Variants in KCNH1 observed in about 807,000 individuals in gnomAD.
KCNH1 encodes voltage-gated delayed rectifier potassium channel KCNH1.
In KCNH1, 27 loss-of-function variants were observed where a neutral mutation model predicts 69.2. That is an observed-to-expected ratio of 0.39 (90% CI 0.29 to 0.54). The LOEUF is 0.54. Among genes scored for constraint, KCNH1 ranks in the 20% least tolerant of loss-of-function variants. The probability of loss-of-function intolerance (pLI) is 0.68; values close to 1 mark genes in which losing one functional copy is unlikely to be tolerated. For missense variants in KCNH1, 798 were observed against 1,261.6 expected, an observed-to-expected ratio of 0.63 and a Z score of 5.57; for synonymous variants, 456 against 487.7, an observed-to-expected ratio of 0.93 and a Z score of 0.86.
chr1:210,935,839 A>C (rs1365148584), intron 6 of KCNH1, among the ~76,000 whole-genome samples: 1 of 152,230 alleles, frequency 6.6e-6, no homozygotes, highest in East Asian at 1.9e-4. Context: ...AAATCTCAGT[A>C]AACTCTGTTG....
chr1:210,791,247 C>T (rs548508966), intron 9 of KCNH1, among the ~76,000 whole-genome samples: 68 of 152,324 alleles, frequency 4.5e-4, no homozygotes, highest in African/African-American at 1.6e-3. Context: ...CGTTCATCAT[C>T]TCACCCCATT....
chr1:210,856,068 C>T (rs1001937795), intron 7 of KCNH1, among the ~76,000 whole-genome samples: 3 of 152,154 alleles, frequency 2.0e-5, no homozygotes, highest in African/African-American at 7.2e-5. Context: ...AATGTTCCTC[C>T]TTAGAAAATC....
intron 7 of KCNH1, among the ~76,000 whole-genome samples, chr1:210,889,551 C>G (rs61802914): frequency 1.6e-4 from 24 of 152,260 alleles, no homozygotes; most frequent in Non-Finnish European, 2.5e-4. Context: ...GAAGTTTTTG[C>G]CAGGGCAATC....
intron 6 of KCNH1, among the ~76,000 whole-genome samples, chr1:210,996,364 G>A (rs887053763): frequency 4.6e-5 from 7 of 152,196 alleles, no homozygotes; most frequent in African/African-American, 1.7e-4. Flanking sequence ...AGGGTCCTAC[G>A]CCCATGGAGT....
chr1:210,813,176 T>G (rs1426656254), intron 7 of KCNH1, among the ~76,000 whole-genome samples: 1 of 152,184 alleles, frequency 6.6e-6, no homozygotes, highest in African/African-American at 2.4e-5. Context: ...TTGGACAGCA[T>G]GTCATGAAGA....
rs553438728 is a variant in KCNH1 at position 210,754,402 on chromosome 1, TAGG to T, written c.2112+20943_2112+20945del. 5.9e-5 allele frequency among the ~76,000 whole-genome samples: 9 copies of T among 152,246 alleles called. No individual in the cohort carries two copies. The East Asian group carries it at 1.7e-3, about 29-fold the overall frequency. On this transcript the variant is annotated intron_variant, in intron 10 of 10. Coordinates refer to ENST00000271751, the MANE Select transcript of KCNH1 (RefSeq NM_172362.3). The stretch of plus-strand genomic sequence containing the variant: ...TGCCACTCTTAGGACTAATCACTGA[TAGG>T]AGGAAATGCTGCTAACACATTGATA...
At chr1:210,977,975 T>C (rs1254972347) in intron 6 of KCNH1, among the ~76,000 whole-genome samples, 2 of 152,150 alleles carry the variant, frequency 1.3e-5, no homozygotes, top group African/African-American at 2.4e-5. Flanking sequence ...ACTTTTCAAC[T>C]TCAGAATTTG....
chr1:210,902,698 C>T (rs1429728897), intron 7 of KCNH1, among the ~76,000 whole-genome samples: 2 of 152,204 alleles, frequency 1.3e-5, no homozygotes, highest in Non-Finnish European at 2.9e-5. Flanking sequence ...TAAAGCGGCA[C>T]ACTCTGTCCC....
At chr1:210,897,691 T>C (rs1349284929) in intron 7 of KCNH1, among the ~76,000 whole-genome samples, 1 of 152,226 alleles carries the variant, frequency 6.6e-6, no homozygotes, top group Non-Finnish European at 1.5e-5. Flanking sequence ...TACCAGGCCT[T>C]GCATGCTCAC....
At chr1:211,114,614 G>T (rs908908202) in intron 1 of KCNH1, among the ~76,000 whole-genome samples, 1 of 152,142 alleles carries the variant, frequency 6.6e-6, no homozygotes, top group African/African-American at 2.4e-5. Context: ...CTTAGCCAAG[G>T]TTTCTTAATT....
At chr1:211,017,185 G>C (rs1689507686) in intron 6 of KCNH1, among the ~76,000 whole-genome samples, 1 of 152,154 alleles carries the variant, frequency 6.6e-6, no homozygotes, top group South Asian at 2.1e-4. Flanking sequence ...TTTGTAGGAA[G>C]AGCTACCCTT....
At chr1:210,873,361 AT>A (rs963336694) in intron 7 of KCNH1, among the ~76,000 whole-genome samples, 27 of 151,948 alleles carry the variant, frequency 1.8e-4, no homozygotes, top group African/African-American at 6.3e-4. Context: ...TTATTTATTT[AT>A]TTTTTAGAGA....
intron 6 of KCNH1, among the ~76,000 whole-genome samples, chr1:210,986,659 A>G (rs1301039137): frequency 1.3e-5 from 2 of 152,186 alleles, no homozygotes; most frequent in Non-Finnish European, 2.9e-5. Context: ...ATCAGCTGTT[A>G]GTCTGATGGG....
chr1:210,889,549 T>G (rs75198749), intron 7 of KCNH1, among the ~76,000 whole-genome samples: 2 of 152,192 alleles, frequency 1.3e-5, no homozygotes, highest in Admixed American at 6.5e-5. Flanking sequence ...TGGAAGTTTT[T>G]GCCAGGGCAA....
chr1:210,864,551 G>T (rs1455036370), intron 7 of KCNH1, among the ~76,000 whole-genome samples: 4 of 152,146 alleles, frequency 2.6e-5, no homozygotes, highest in African/African-American at 9.7e-5. Flanking sequence ...CTCAACGGAT[G>T]GTAACCCTAA....
intron 9 of KCNH1, among the ~76,000 whole-genome samples, chr1:210,781,391 C>A (rs77064579): frequency 5.4e-3 from 818 of 152,184 alleles, no homozygotes; most frequent in Non-Finnish European, 9.8e-3. Flanking sequence ...TTCCTCTTCC[C>A]TAGGGTATCA....
intron 6 of KCNH1, among the ~76,000 whole-genome samples, chr1:210,964,060 C>T (rs1035877980): frequency 6.6e-6 from 1 of 152,182 alleles, no homozygotes; most frequent in African/African-American, 2.4e-5. Context: ...GGGTTACCCA[C>T]AAAGGGAAGC....
chr1:210,874,443 C>A (rs1216847471), intron 7 of KCNH1, among the ~76,000 whole-genome samples: 1 of 152,218 alleles, frequency 6.6e-6, no homozygotes, highest in Non-Finnish European at 1.5e-5. Flanking sequence ...ATTAGAAAAT[C>A]TGGCAAACAT....
chr1:210,976,454 C>T (rs1263337393), intron 6 of KCNH1, among the ~76,000 whole-genome samples: 1 of 148,246 alleles, frequency 6.7e-6, no homozygotes, highest in Non-Finnish European at 1.5e-5. Flanking sequence ...CAAGAAACAA[C>T]AGGTGCTGGA....
Sources: allele counts gnomAD v4.1 joint callset (sites outside exome capture counted in the v4.1 genomes callset), GRCh38; gene constraint gnomAD v4.1.1; transcripts MANE v1.5; gene names NCBI Gene and HGNC (gene_info 2026-07-23, HGNC 2026-07-21).